Variants in SGCZ observed in about 807,000 individuals in gnomAD.
The protein encoded by SGCZ is zeta-sarcoglycan.
A neutral mutation model predicts 41.3 loss-of-function variants in SGCZ; 40 were observed. That is an observed-to-expected ratio of 0.97 (90% confidence interval 0.75 to 1.26). The LOEUF is 1.26. Among genes scored for constraint, SGCZ ranks in the 50% most tolerant of loss-of-function variants. The pLI is 0.00. For synonymous variants in SGCZ, 206 were observed against 137.5 expected, an observed-to-expected ratio of 1.50 and a Z score of -3.49; for missense variants, 552 against 369.8, an observed-to-expected ratio of 1.49 and a Z score of -4.04.
chr8:14,434,562 T>C (rs1300497557), intron 2 of SGCZ, among the ~76,000 whole-genome samples: 4 of 152,186 alleles, frequency 2.6e-5, no homozygotes, highest in Non-Finnish European at 5.9e-5. Flanking sequence ...TTTGGCAGTG[T>C]GGTCATTTTC....
At chr8:14,554,115 C>A (rs1270946937) in intron 2 of SGCZ, among the ~76,000 whole-genome samples, 1 of 151,986 alleles carries the variant, frequency 6.6e-6, no homozygotes, top group Non-Finnish European at 1.5e-5. Flanking sequence ...ATTATACAAT[C>A]ATTTTGTAAT....
chr8:14,690,920 G>A (rs1454084681), intron 1 of SGCZ, among the ~76,000 whole-genome samples: 6 of 152,146 alleles, frequency 3.9e-5, no homozygotes, highest in Non-Finnish European at 7.4e-5. Context: ...TGTATGTGCT[G>A]TAAGCATTGC....
rs542581932 is a variant in SGCZ at position 14,144,751 on chromosome 8, G to T, written c.547+19829C>A. Among the ~76,000 whole-genome samples the T allele has an allele frequency of 1.4e-4, 22 of 152,222 alleles. 1 individual carries two copies. The South Asian group carries it at 4.6e-3, about 32-fold the overall frequency. On this transcript the variant is annotated intron_variant, in intron 5 of 7. Coordinates refer to ENST00000382080, the MANE Select transcript of SGCZ (RefSeq NM_139167.4). ...GCTGTGGGCCAGAGGGGAGCCTATT[G>T]CCCTGAAGCATGAATCCTAGGCCAT...
chr8:15,064,210 G>A (rs17120823), intron 1 of SGCZ, among the ~76,000 whole-genome samples: 10,174 of 151,920 alleles, frequency 0.067, 485 homozygotes, highest in African/African-American at 0.12. Context: ...GAATACTTCC[G>A]GGACATAACT....
At chr8:15,061,213 A>G (rs1316810815) in intron 1 of SGCZ, among the ~76,000 whole-genome samples, 3 of 152,182 alleles carry the variant, frequency 2.0e-5, no homozygotes, top group African/African-American at 7.2e-5. Context: ...TGATTAAGTC[A>G]TGAAGGCGGA....
At chr8:14,583,826 CATAT>C (rs71818960) in intron 1 of SGCZ, among the ~76,000 whole-genome samples, 9 of 150,882 alleles carry the variant, frequency 6.0e-5, no homozygotes, top group Admixed American at 5.3e-4. Context: ...TATGGCAAAA[CATAT>C]ATATATATAT....
chr8:14,523,039 T>C (rs1802836806), intron 2 of SGCZ, among the ~76,000 whole-genome samples: 1 of 152,004 alleles, frequency 6.6e-6, no homozygotes, highest in Non-Finnish European at 1.5e-5. Context: ...CTACTGTCAG[T>C]ATTTTATCAG....
At position 15,145,281 on chromosome 8, in the gene SGCZ, G is replaced by A. The variant is rs114531424; in HGVS notation, c.39+92304C>T. Among the ~76,000 whole-genome samples the A allele has an allele frequency of 9.4e-3, 1,425 of 152,204 alleles. 13 individuals are homozygous for A. The highest frequency in any genetic ancestry group is 0.032 in the African/African-American group (1,321 of 41,532). ...ACCAGTAATGAAACTAATCTAAAGC[G>A]TCACCAAAACTAAAATATTATTTGG... On this transcript the variant is annotated intron_variant, in intron 1 of 7. Coordinates refer to ENST00000382080, the MANE Select transcript of SGCZ (RefSeq NM_139167.4).
chr8:14,184,012 G>A (rs1184684075), intron 4 of SGCZ, among the ~76,000 whole-genome samples: 3 of 151,918 alleles, frequency 2.0e-5, no homozygotes, highest in Non-Finnish European at 4.4e-5. Flanking sequence ...TATAAATATC[G>A]ATTTTATATT....
chr8:14,571,218 C>T (rs1297419189), intron 1 of SGCZ, among the ~76,000 whole-genome samples: 3 of 152,172 alleles, frequency 2.0e-5, no homozygotes, highest in Admixed American at 6.5e-5. Context: ...AAGAGCAGAT[C>T]TCATGATTAC....
At chr8:14,263,178 C>A (rs1010183829) in intron 3 of SGCZ, among the ~76,000 whole-genome samples, 2 of 151,844 alleles carry the variant, frequency 1.3e-5, no homozygotes, top group African/African-American at 2.4e-5. Context: ...TTCAACAAAT[C>A]GTAAGTGTAA....
At chr8:14,119,930 T>C (rs1246142708) in intron 5 of SGCZ, among the ~76,000 whole-genome samples, 1 of 152,196 alleles carries the variant, frequency 6.6e-6, no homozygotes, top group Non-Finnish European at 1.5e-5. Context: ...TTGTGGTGGA[T>C]AAACTTTTTG....
intron 1 of SGCZ, among the ~76,000 whole-genome samples, chr8:15,140,608 C>A (rs1359095624): frequency 6.6e-6 from 1 of 152,110 alleles, no homozygotes; most frequent in African/African-American, 2.4e-5. Flanking sequence ...ATATTATTTA[C>A]TTTTAATACC....
intron 1 of SGCZ, among the ~76,000 whole-genome samples, chr8:14,816,334 CTTAAAAACTT>C (rs1224685449): frequency 6.6e-6 from 1 of 152,170 alleles, no homozygotes; most frequent in African/African-American, 2.4e-5. Context: ...CCCACAGTTC[CTTAAAAACTT>C]TTACAACACT....
chr8:14,921,212 A>T (rs1051631008), intron 1 of SGCZ, among the ~76,000 whole-genome samples: 2 of 152,146 alleles, frequency 1.3e-5, no homozygotes, highest in African/African-American at 4.8e-5. Context: ...GAGCAGCCCC[A>T]AACAATGCTC....
At chr8:15,022,915 G>C (rs945784650) in intron 1 of SGCZ, among the ~76,000 whole-genome samples, 2 of 152,186 alleles carry the variant, frequency 1.3e-5, no homozygotes, top group African/African-American at 4.8e-5. Flanking sequence ...TTCACAGCCA[G>C]TGTGTGGCAG....
rs60270495 is a variant in SGCZ at position 14,310,893 on chromosome 8, G to C, written c.336+13210C>G. 2.1e-3 allele frequency among the ~76,000 whole-genome samples: 319 copies of C among 152,112 alleles called. 3 individuals are homozygous for C. The highest frequency in any genetic ancestry group is 7.2e-3 in the African/African-American group (301 of 41,518). ...CTCAGGGTAGACCAAATTTCAGACA[G>C]GGTGCCCTTGAAACTTGAGAATTTC... On this transcript the variant is annotated intron_variant, in intron 3 of 7. Coordinates refer to ENST00000382080, the MANE Select transcript of SGCZ (RefSeq NM_139167.4).
intron 2 of SGCZ, among the ~76,000 whole-genome samples, chr8:14,445,733 G>A (rs571800542): frequency 1.3e-5 from 2 of 152,296 alleles, no homozygotes; most frequent in Admixed American, 1.3e-4. Context: ...GCAGAGGGCA[G>A]CCTCCCCAGG....
chr8:14,415,815 T>C (rs1176180177), intron 2 of SGCZ, among the ~76,000 whole-genome samples: 1 of 151,898 alleles, frequency 6.6e-6, no homozygotes, highest in Non-Finnish European at 1.5e-5. Context: ...ACACTACATA[T>C]TACAGATGAT....
Sources: allele counts gnomAD v4.1 joint callset (sites outside exome capture counted in the v4.1 genomes callset), GRCh38; gene constraint gnomAD v4.1.1; transcripts MANE v1.5; gene names NCBI Gene and HGNC (gene_info 2026-07-23, HGNC 2026-07-21).